NHLRC2: variants seen among roughly 807,000 people sequenced by gnomAD.
The protein encoded by NHLRC2 is NHL repeat-containing protein 2.
Under a neutral mutation model 68.1 loss-of-function variants are expected in NHLRC2, and 33 were observed. The ratio of observed to expected loss-of-function variants is 0.48; its 90% confidence interval spans 0.37 to 0.65. The LOEUF is 0.65. NHLRC2 is among the 30% of genes least tolerant of loss of function. The pLI is 0.00. For synonymous variants in NHLRC2, 311 were observed against 309.6 expected (o/e 1.00, Z -0.05); for missense variants, 761 against 853.8 (o/e 0.89, Z 1.35).
chr10:113,909,845 T>C lies in NHLRC2; in HGVS notation c.*1309T>C, dbSNP rs1589551173. 6.6e-6 allele frequency: 1 copy of C among 152,192 alleles called. No individual in the cohort carries two copies. The highest frequency in any genetic ancestry group is 1.5e-5 in the Non-Finnish European group (1 of 68,016). 9.4% of individuals were successfully genotyped at this position (152,192 alleles called of 1,614,324 possible). A position where few individuals can be genotyped will look rare whatever the true frequency, so the allele number is the denominator to read the frequency against. ...TTATTCAGTAAATATTTATAGACAA[T>C]ATGGCATAATATGCTTCCCTTCCCT... On this transcript the variant is annotated 3_prime_UTR_variant, in exon 11 of 11. Transcript: ENST00000369301.
At chr10:113,867,471 C>T (rs1457841158) in intron 2 of NHLRC2, among the ~76,000 whole-genome samples, 1 of 152,152 alleles carries the variant, frequency 6.6e-6, no homozygotes, top group African/African-American at 2.4e-5. Flanking sequence ...TAGTGTTCAG[C>T]GATTTTGATC....
chr10:113,877,085 G>C, intron 3 of NHLRC2, 109 bp downstream of exon 3: 1 of 628,452 alleles, frequency 1.6e-6, no homozygotes, highest in Non-Finnish European at 2.6e-6. Context: ...ATAGAAAAGT[G>C]ATATACATTG....
chr10:113,858,747 A>T, intron 2 of NHLRC2, 67 bp downstream of exon 2: 3 of 1,119,842 alleles, frequency 2.7e-6, no homozygotes, highest in Non-Finnish European at 4.0e-6. Flanking sequence ...TGGCTGACTC[A>T]TTAGCTCATA....
intron 2 of NHLRC2, among the ~76,000 whole-genome samples, chr10:113,860,391 C>CA (rs996596310): frequency 1.3e-5 from 2 of 151,758 alleles, no homozygotes; most frequent in African/African-American, 4.8e-5. Flanking sequence ...CACATTGTGA[C>CA]AAAAAAATTA....
chr10:113,868,618 G>A (rs549934767), intron 2 of NHLRC2, among the ~76,000 whole-genome samples: 2 of 152,122 alleles, frequency 1.3e-5, no homozygotes, highest in Non-Finnish European at 2.9e-5. Flanking sequence ...AGGCACTGGA[G>A]AATAATAAAA....
At chr10:113,864,571 C>T (rs1228639199) in intron 2 of NHLRC2, among the ~76,000 whole-genome samples, 1 of 151,816 alleles carries the variant, frequency 6.6e-6, no homozygotes, top group East Asian at 1.9e-4. Context: ...GTGGCGCGCC[C>T]CTGTAATCCC....
rs1427301727 is a variant in NHLRC2, at chr10:113,915,193, C to T, written c.*6657C>T. On this transcript the variant is annotated 3_prime_UTR_variant, in exon 11 of 11. Coordinates refer to ENST00000369301, the MANE Select transcript of NHLRC2 (RefSeq NM_198514.4). ...TGTCGCTTTCAAGTGTACCAAAGGACATTTTGTTCTGTTGAAAGCCACAGG... is the reference window on the plus strand; with the variant it reads ...TGTCGCTTTCAAGTGTACCAAAGGATATTTTGTTCTGTTGAAAGCCACAGG... The T allele has an allele frequency of 2.2e-6, 1 of 456,324 alleles. No homozygotes were observed. Among genetic ancestry groups the T allele is most frequent in the East Asian group, 6.9e-5 (1 of 14,406 alleles). The allele number at this position is 456,324 out of a possible 1,614,324, so 28.3% of individuals were successfully genotyped here.
chr10:113,876,614 C>A lies in NHLRC2; in HGVS notation c.425C>A (p.Thr142Asn). The A allele has an allele frequency of 6.2e-7, 1 of 1,613,244 alleles. No individual in the cohort carries two copies. Among genetic ancestry groups the A allele is most frequent in the Non-Finnish European group, 8.5e-7 (1 of 1,179,274 alleles). ...IKSAVLRYNI[T>N]HPMVNDADAS... ...AGTGCTGTTCTTCGATACAACATCA[C>A]CCACCCTATGGTTAATGATGCAGAT... The change falls in exon 3 of 11, where the codon ACC (threonine) becomes AAC (asparagine). Residue 142 changes from threonine to asparagine, a missense_variant. Thr to Asn is a moderately conservative substitution (Grantham distance 65). Coordinates refer to ENST00000369301, the MANE Select transcript of NHLRC2 (RefSeq NM_198514.4).
intron 1 of NHLRC2, among the ~76,000 whole-genome samples, chr10:113,855,290 C>T (rs965918906): frequency 6.6e-6 from 1 of 152,192 alleles, no homozygotes; most frequent in Non-Finnish European, 1.5e-5. Flanking sequence ...TCCTGAGTTC[C>T]GCCCGCGCCT....
intron 10 of NHLRC2, 60 bp from the exon 11 acceptor site, chr10:113,908,220 G>C: frequency 7.7e-7 from 1 of 1,301,716 alleles, no homozygotes; most frequent in African/African-American, 1.5e-5. Context: ...GTCTTCATAA[G>C]ATGTTCCCAG....
At chr10:113,881,472 GATTGA>G (rs1362507287) in intron 4 of NHLRC2, among the ~76,000 whole-genome samples, 5 of 151,682 alleles carry the variant, frequency 3.3e-5, no homozygotes, top group African/African-American at 4.8e-5. Context: ...ATTTGCAGAG[GATTGA>G]ATTGATTATA....
Position 113,913,404 on chromosome 10 carries a change from C to T in NHLRC2, c.*4868C>T, listed in dbSNP as rs1163021815. ...ATATACTGTTATTCAGACCTTGGAA[C>T]AGTCTATAATTGTTTGTCAAAAGAT... On this transcript the variant is annotated 3_prime_UTR_variant, in exon 11 of 11. Transcript: ENST00000369301. 2.6e-5 allele frequency: 4 copies of T among 152,144 alleles called. No individual in the cohort carries two copies. Among genetic ancestry groups the T allele is most frequent in the African/African-American group, 9.7e-5 (4 of 41,416 alleles). The allele number at this position is 152,144 out of a possible 1,614,324, so 9.4% of individuals were successfully genotyped here.
rs769949039 is a variant in NHLRC2, at chr10:113,884,369, T to C, written c.1028T>C (p.Phe343Ser). 1.2e-6 allele frequency: 2 copies of C among 1,609,084 alleles called. No homozygotes were observed. Among genetic ancestry groups the C allele is most frequent in the African/African-American group, 1.3e-5 (1 of 74,896 alleles). Residue 343 changes from phenylalanine (F) to serine (S), a missense_variant, in exon 5 of 11, where the codon TTT (phenylalanine) becomes TCT (serine). Phe to Ser is a radical substitution (Grantham distance 155). Transcript: ENST00000369301. ...QPISSPWDVV[F>S]GTSGSEVQRG... ...ATTAGTTCCCCTTGGGATGTAGTTT[T>C]TGGAACATCAGGTATGTGAACTTTT...
chr10:113,873,279 A>G (rs966564508), intron 2 of NHLRC2, among the ~76,000 whole-genome samples: 3 of 152,156 alleles, frequency 2.0e-5, no homozygotes, highest in African/African-American at 7.2e-5. Flanking sequence ...TGAATCTACT[A>G]TAGGGAGAGC....
At chr10:113,880,409 C>T (rs2134711956) in intron 4 of NHLRC2, among the ~76,000 whole-genome samples, 1 of 151,344 alleles carries the variant, frequency 6.6e-6, no homozygotes, top group East Asian at 1.9e-4. Context: ...GTATCACATT[C>T]CATTGTAGAT....
At chr10:113,884,198 ACAAAAG>A in intron 4 of NHLRC2, 47 bp from the exon 5 acceptor site, 1 of 1,559,990 alleles carries the variant, frequency 6.4e-7, no homozygotes, top group African/African-American at 1.4e-5. Flanking sequence ...ACAGCAAAAG[ACAAAAG>A]CAAAAGTAAC....
At chr10:113,864,993 A>C (rs898502870) in intron 2 of NHLRC2, among the ~76,000 whole-genome samples, 2 of 149,718 alleles carry the variant, frequency 1.3e-5, no homozygotes, top group African/African-American at 4.9e-5. Flanking sequence ...TCTGTCGCCC[A>C]GGCTGGAGTG....
chr10:113,876,215 T>C (rs1031942807), intron 2 of NHLRC2, among the ~76,000 whole-genome samples: 1 of 151,832 alleles, frequency 6.6e-6, no homozygotes, highest in Non-Finnish European at 1.5e-5. Context: ...TTTCAACATT[T>C]ATTAAAAAAA....
chr10:113,909,294 A>G lies in NHLRC2; in HGVS notation c.*758A>G, dbSNP rs1846302819. ...AGATAATGAATGAGTCCCCAGAAAT[A>G]TTATGACTTTCAAGGAAAAAGGGAC... On this transcript the variant is annotated 3_prime_UTR_variant, in exon 11 of 11. Transcript: ENST00000369301. 1 of 152,194 alleles carries G rather than the reference A, an allele frequency of 6.6e-6. No individual in the cohort carries two copies. Among genetic ancestry groups the G allele is most frequent in the South Asian group, 2.1e-4 (1 of 4,830 alleles). 9.4% of individuals were successfully genotyped at this position (152,194 alleles called of 1,614,324 possible).
Sources: allele counts gnomAD v4.1 joint callset (sites outside exome capture counted in the v4.1 genomes callset), GRCh38; gene constraint gnomAD v4.1.1; transcripts MANE v1.5; gene names NCBI Gene and HGNC (gene_info 2026-07-23, HGNC 2026-07-21).